The following HMBOX1 variants were observed in gnomAD, a reference collection of about 807,000 sequenced individuals.
HMBOX1 encodes the protein homeobox-containing protein 1.
In HMBOX1, 14 loss-of-function variants were observed where a neutral mutation model predicts 54.5. The ratio of observed to expected loss-of-function variants is 0.26; its 90% CI spans 0.17 to 0.40. The LOEUF is 0.40. HMBOX1 is among the 10% of genes least tolerant of loss of function. The pLI, the probability that HMBOX1 is intolerant of heterozygous loss-of-function variation, is 1.00. For synonymous variants in HMBOX1, 160 were observed against 181.0 expected, an observed-to-expected ratio of 0.88 and a Z score of 0.93; for missense variants, 332 against 514.4, an observed-to-expected ratio of 0.65 and a Z score of 3.43.
At chr8:28,975,257 G>C (rs2132415231) in intron 3 of HMBOX1, among the ~76,000 whole-genome samples, 1 of 152,294 alleles carries the variant, frequency 6.6e-6, no homozygotes, top group South Asian at 2.1e-4. Flanking sequence ...ACAAGATTAG[G>C]AACAACTATA....
intron 1 of HMBOX1, among the ~76,000 whole-genome samples, chr8:28,927,978 T>C (rs1818842455): frequency 6.7e-6 from 1 of 150,074 alleles, no homozygotes. Flanking sequence ...CTTCTAAAAA[T>C]ACAAAAATTA....
intron 1 of HMBOX1, among the ~76,000 whole-genome samples, chr8:28,926,314 C>CAT (rs1194448308): frequency 2.6e-5 from 4 of 151,034 alleles, no homozygotes; most frequent in Non-Finnish European, 5.9e-5. Context: ...TACACACACA[C>CAT]ACACACACAT....
At chr8:29,042,665 T>C (rs1443254389) in intron 6 of HMBOX1, 1 of 456,066 alleles carries the variant, frequency 2.2e-6, no homozygotes, top group East Asian at 6.9e-5. Flanking sequence ...GAGAGAAGGA[T>C]GGAAGAAAAT....
Position 29,049,054 on chromosome 8 carries a change from C to T in HMBOX1, c.1125+6C>T, listed in dbSNP as rs755255848. ...GGAATGACTACTCTGAGCAGGTGAG[C>T]CCCTGCGCAGCTGGGCGAGGTTCTT... On this transcript the variant is annotated splice_donor_region_variant and intron_variant, in intron 9 of 9. Coordinates refer to ENST00000287701, the MANE Select transcript of HMBOX1 (RefSeq NM_001135726.3). 1.2e-6 allele frequency: 2 copies of T among 1,612,400 alleles called. No homozygotes were observed. Among genetic ancestry groups the T allele is most frequent in the East Asian group, 2.2e-5 (1 of 44,858 alleles).
intron 2 of HMBOX1, among the ~76,000 whole-genome samples, chr8:28,967,907 G>A (rs1826713800): frequency 6.6e-6 from 1 of 152,170 alleles, no homozygotes; most frequent in South Asian, 2.1e-4. Context: ...CAAATGGCCT[G>A]CAACATGTTT....
In HMBOX1 at chr8:29,011,912, A is replaced by G. The variant is rs558727133; in HGVS notation, c.697+2730A>G. ...CCTTTTAAGACGTTCCTCTAATTAT[A>G]TGCATTTGTTTTTCAGTAAGATTGC... On this transcript the variant is annotated intron_variant, in intron 5 of 9. Coordinates refer to ENST00000287701, the MANE Select transcript of HMBOX1 (RefSeq NM_001135726.3). Among the ~76,000 whole-genome samples, 19 of 152,294 alleles carry G rather than the reference A, an allele frequency of 1.2e-4. 1 individual carries two copies. The South Asian group carries it at 3.1e-3, about 25-fold the overall frequency.
chr8:28,955,680 G>A (rs146834754), intron 1 of HMBOX1, among the ~76,000 whole-genome samples: 47 of 152,212 alleles, frequency 3.1e-4, no homozygotes, highest in Middle Eastern at 6.9e-3. Flanking sequence ...GGCTGGGCAC[G>A]GTGGCTCACG....
intron 8 of HMBOX1, among the ~76,000 whole-genome samples, chr8:29,047,956 G>A (rs368707694): frequency 6.6e-6 from 1 of 152,096 alleles, no homozygotes; most frequent in East Asian, 1.9e-4. Flanking sequence ...TATTTGTAGT[G>A]TAATGGTAAT....
Position 28,939,756 on chromosome 8 carries a change from C to T in HMBOX1, c.-57-24055C>T, listed in dbSNP as rs1028460792. Among the ~76,000 whole-genome samples the T allele has an allele frequency of 2.4e-4, 37 of 151,964 alleles. 1 individual carries two copies. The highest frequency in any genetic ancestry group is 1.3e-4 in the Admixed American group (2 of 15,264). On this transcript the variant is annotated intron_variant, in intron 1 of 9. Transcript: ENST00000287701. ...AACTCCTGGCCTCTGGTGATCCACC[C>T]GCCTCGGCCTCCTGAAGTGCTGGGG...
At chr8:28,900,386 A>G (rs1813030789) in intron 1 of HMBOX1, among the ~76,000 whole-genome samples, 2 of 151,128 alleles carry the variant, frequency 1.3e-5, no homozygotes, top group Admixed American at 6.6e-5. Flanking sequence ...TCTAATTGGT[A>G]TAGTCCTCAG....
At chr8:28,980,285 C>A in intron 4 of HMBOX1, 129 bp downstream of exon 4, 2 of 712,454 alleles carry the variant, frequency 2.8e-6, no homozygotes, top group Non-Finnish European at 5.0e-6. Context: ...TTATGTATGC[C>A]TGTGATTTAA....
intron 9 of HMBOX1, chr8:29,049,368 G>A: frequency 2.0e-6 from 3 of 1,533,482 alleles, no homozygotes; most frequent in Non-Finnish European, 2.6e-6. Flanking sequence ...GAAGGTAGAA[G>A]AAGAGAGGAG....
chr8:28,948,766 G>A (rs1822920093), intron 1 of HMBOX1, among the ~76,000 whole-genome samples: 1 of 152,024 alleles, frequency 6.6e-6, no homozygotes, highest in South Asian at 2.1e-4. Flanking sequence ...ATCAGTTCTA[G>A]CTTAATATAA....
intron 1 of HMBOX1, among the ~76,000 whole-genome samples, chr8:28,961,006 C>T (rs569089000): frequency 4.6e-5 from 7 of 151,538 alleles, no homozygotes; most frequent in East Asian, 1.9e-4. Context: ...AGGATGGTCT[C>T]GATCTCTTGA....
intron 1 of HMBOX1, among the ~76,000 whole-genome samples, chr8:28,934,356 T>C (rs1364098300): frequency 6.6e-6 from 1 of 152,210 alleles, no homozygotes; most frequent in African/African-American, 2.4e-5. Context: ...ACTTAGATTG[T>C]ACTTGATGGT....
intron 1 of HMBOX1, among the ~76,000 whole-genome samples, chr8:28,943,573 C>T (rs1021362303): frequency 1.3e-5 from 2 of 152,142 alleles, no homozygotes; most frequent in Admixed American, 6.5e-5. Flanking sequence ...GGTCAGAGTG[C>T]CTTCTTGTAT....
chr8:28,998,762 A>G (rs1188408849), intron 4 of HMBOX1, among the ~76,000 whole-genome samples: 1 of 151,982 alleles, frequency 6.6e-6, no homozygotes, highest in Non-Finnish European at 1.5e-5. Flanking sequence ...TTTCTCATGT[A>G]CAATTTTAAA....
intron 1 of HMBOX1, among the ~76,000 whole-genome samples, chr8:28,936,924 T>G (rs1231023123): frequency 6.6e-6 from 1 of 152,126 alleles, no homozygotes; most frequent in Non-Finnish European, 1.5e-5. Flanking sequence ...AATATAGAAT[T>G]TTGTTCAATT....
intron 6 of HMBOX1, among the ~76,000 whole-genome samples, chr8:29,035,003 G>A (rs898821738): frequency 5.9e-5 from 9 of 152,180 alleles, no homozygotes; most frequent in African/African-American, 2.2e-4. Context: ...AAGTACCCAT[G>A]TGTACAAAGT....
Sources: allele counts gnomAD v4.1 joint callset (sites outside exome capture counted in the v4.1 genomes callset), GRCh38; gene constraint gnomAD v4.1.1; transcripts MANE v1.5; gene names NCBI Gene and HGNC (gene_info 2026-07-23, HGNC 2026-07-21).